The following TMEM232 variants were observed in gnomAD, a reference collection of about 807,000 sequenced individuals.
TMEM232 encodes the protein transmembrane protein 232.
A neutral mutation model predicts 78.8 loss-of-function variants in TMEM232; 80 were observed. The observed-to-expected ratio is 1.01, with a 90% CI of 0.85 to 1.22. The LOEUF (loss-of-function observed/expected upper bound fraction) is 1.22, where lower values mean the gene tolerates loss of function less well. TMEM232 is among the 50% of genes most tolerant of loss of function. The probability of loss-of-function intolerance (pLI) is 0.00; values close to 1 mark genes in which losing one functional copy is unlikely to be tolerated. For missense variants in TMEM232, 881 were observed against 742.2 expected, an observed-to-expected ratio of 1.19 and a Z score of -2.17; for synonymous variants, 297 against 254.3, an observed-to-expected ratio of 1.17 and a Z score of -1.60.
chr5:110,392,053 G>A (rs909326318), intron 3 of TMEM232, among the ~76,000 whole-genome samples: 19 of 152,170 alleles, frequency 1.2e-4, no homozygotes, highest in Admixed American at 1.3e-4. Flanking sequence ...TGTTCTACTA[G>A]TTATTTCCAC....
chr5:110,523,964 AAAGG>A (rs79364078), intron 12 of TMEM232, among the ~76,000 whole-genome samples: 2 of 10,196 alleles, frequency 2.0e-4, no homozygotes, highest in African/African-American at 8.8e-4. Flanking sequence ...AAAAAAAAAA[AAAGG>A]GGGGGGGGCG....
chr5:110,698,861 T>G (rs1010833255), intron 1 of TMEM232, among the ~76,000 whole-genome samples: 1 of 152,056 alleles, frequency 6.6e-6, no homozygotes, highest in Non-Finnish European at 1.5e-5. Flanking sequence ...TCAAACCTCT[T>G]TTGTCTGTAC....
chr5:110,690,722 C>A (rs2150223310), intron 1 of TMEM232, among the ~76,000 whole-genome samples: 1 of 152,262 alleles, frequency 6.6e-6, no homozygotes, highest in Admixed American at 6.5e-5. Context: ...TTGGAACCAA[C>A]CCAAATACTC....
chr5:110,553,169 T>C (rs1774669494), intron 11 of TMEM232, among the ~76,000 whole-genome samples: 2 of 152,196 alleles, frequency 1.3e-5, no homozygotes, highest in South Asian at 4.1e-4. Context: ...TTGGGTAGTG[T>C]AATCCCTCTG....
intron 12 of TMEM232, among the ~76,000 whole-genome samples, chr5:110,503,002 T>G (rs6868787): frequency 6.6e-6 from 1 of 152,216 alleles, no homozygotes; most frequent in Non-Finnish European, 1.5e-5. Context: ...TGTTACCTTT[T>G]TTAGGTTATA....
chr5:110,418,759 G>A (rs187009390), downstream of TMEM232, among the ~76,000 whole-genome samples: 1 of 152,220 alleles, frequency 6.6e-6, no homozygotes, highest in African/African-American at 2.4e-5. Context: ...GCAGTGAGGA[G>A]GCCTTAAGGA....
chr5:110,538,096 G>A (rs962581574), intron 11 of TMEM232, among the ~76,000 whole-genome samples: 2 of 152,164 alleles, frequency 1.3e-5, no homozygotes, highest in African/African-American at 4.8e-5. Context: ...GGAGGAATGA[G>A]AAAGGGAATA....
chr5:110,553,831 A>C (rs553372543), intron 11 of TMEM232, among the ~76,000 whole-genome samples: 1 of 152,242 alleles, frequency 6.6e-6, no homozygotes, highest in African/African-American at 2.4e-5. Context: ...TAAATTGTTC[A>C]ATATAATGTT....
intron 5 of TMEM232, among the ~76,000 whole-genome samples, chr5:110,631,412 A>G (rs573221997): frequency 2.0e-5 from 3 of 152,280 alleles, no homozygotes; most frequent in Admixed American, 2.0e-4. Context: ...AATTGCTGCC[A>G]CTGGGAACCC....
At chr5:110,463,913 C>G (rs1761805427) in intron 12 of TMEM232, among the ~76,000 whole-genome samples, 1 of 152,206 alleles carries the variant, frequency 6.6e-6, no homozygotes, top group Admixed American at 6.5e-5. Flanking sequence ...CTTACACAGG[C>G]CAGGCTGAAT....
intron 2 of TMEM232, among the ~76,000 whole-genome samples, chr5:110,665,235 G>A (rs980224208): frequency 1.3e-5 from 2 of 152,046 alleles, no homozygotes; most frequent in African/African-American, 4.8e-5. Flanking sequence ...GATCTAGCAA[G>A]TTATTTTTCC....
chr5:110,594,932 G>A (rs1169501710), intron 10 of TMEM232, among the ~76,000 whole-genome samples: 1 of 152,210 alleles, frequency 6.6e-6, no homozygotes, highest in Non-Finnish European at 1.5e-5. Context: ...CTAAAGGGCA[G>A]ACTGCCCCCT....
intron 12 of TMEM232, among the ~76,000 whole-genome samples, chr5:110,431,332 T>C (rs1757816745): frequency 6.6e-6 from 1 of 151,594 alleles, no homozygotes; most frequent in Non-Finnish European, 1.5e-5. Flanking sequence ...CCATTGGGAC[T>C]CCTGAAAATT....
At chr5:110,687,521 T>A (rs888657807) in intron 1 of TMEM232, among the ~76,000 whole-genome samples, 1 of 152,174 alleles carries the variant, frequency 6.6e-6, no homozygotes, top group African/African-American at 2.4e-5. Flanking sequence ...TTTCAGACCC[T>A]GTAATACAAC....
At chr5:110,475,810 G>A (rs1252918094) in intron 12 of TMEM232, among the ~76,000 whole-genome samples, 1 of 151,804 alleles carries the variant, frequency 6.6e-6, no homozygotes, top group Non-Finnish European at 1.5e-5. Context: ...AGGGTCTGGG[G>A]AAAGAACCAC....
chr5:110,610,593 A>G (rs541311600), intron 8 of TMEM232: 6 of 455,528 alleles, frequency 1.3e-5, no homozygotes, highest in East Asian at 7.0e-5. Context: ...ATTTGCCTCA[A>G]TAGGCTCCTA....
chr5:110,559,214 C>G (rs1413747578), intron 11 of TMEM232, among the ~76,000 whole-genome samples: 1 of 152,042 alleles, frequency 6.6e-6, no homozygotes, highest in Non-Finnish European at 1.5e-5. Flanking sequence ...AATTGTAAAC[C>G]TAATCCTAAT....
chr5:110,545,914 T>C (rs2149594271), intron 11 of TMEM232, among the ~76,000 whole-genome samples: 1 of 152,252 alleles, frequency 6.6e-6, no homozygotes, highest in Middle Eastern at 3.4e-3. Context: ...AAAACCTTGC[T>C]CATTGCAAGT....
intron 12 of TMEM232, among the ~76,000 whole-genome samples, chr5:110,442,179 A>G (rs1327560655): frequency 1.3e-5 from 2 of 152,080 alleles, no homozygotes; most frequent in African/African-American, 2.4e-5. Context: ...GGGAAGTTCT[A>G]TGATATATCT....
Sources: gnomAD v4.1 joint callset for allele counts (sites outside exome capture counted in the v4.1 genomes callset) on GRCh38, gnomAD v4.1.1 for gene constraint, MANE v1.5 for transcripts, NCBI Gene and HGNC (gene_info 2026-07-23, HGNC 2026-07-21) for gene names.